The following RBFOX1 variants were observed in gnomAD, a reference collection of about 807,000 sequenced individuals.
RBFOX1 encodes RNA binding protein fox-1 homolog 1.
In RBFOX1, 8 loss-of-function variants were observed where a neutral mutation model predicts 57.7. The ratio of observed to expected loss-of-function variants is 0.14; its 90% CI spans 0.08 to 0.25. The LOEUF is 0.25. RBFOX1 is among the 10% of genes least tolerant of loss of function. RBFOX1 has a pLI of 1.00. For synonymous variants in RBFOX1, 326 were observed against 222.4 expected, an observed-to-expected ratio of 1.47 and a Z score of -4.15; for missense variants, 611 against 548.5, an observed-to-expected ratio of 1.11 and a Z score of -1.14.
chr16:6,032,448 A>G (rs2095304512), intron 1 of RBFOX1, among the ~76,000 whole-genome samples: 1 of 152,164 alleles, frequency 6.6e-6, no homozygotes, highest in Admixed American at 6.5e-5. Context: ...AAAGAAAGGG[A>G]TCCACTCCAG....
chr16:6,684,417 A>G (rs548510608), intron 3 of RBFOX1, among the ~76,000 whole-genome samples: 113 of 152,346 alleles, frequency 7.4e-4, no homozygotes, highest in Non-Finnish European at 9.1e-4. Flanking sequence ...CAGTTTAAGT[A>G]TCATAGGAGA....
chr16:7,613,523 G>C (rs1450104319), intron 10 of RBFOX1, among the ~76,000 whole-genome samples: 1 of 152,146 alleles, frequency 6.6e-6, no homozygotes, highest in Non-Finnish European at 1.5e-5. Context: ...TGGGAAAGTG[G>C]ATTTGGATCT....
At chr16:6,214,034 C>T (rs1456079736) in intron 1 of RBFOX1, among the ~76,000 whole-genome samples, 1 of 152,184 alleles carries the variant, frequency 6.6e-6, no homozygotes, top group Non-Finnish European at 1.5e-5. Context: ...AGAATCACTG[C>T]TCTGTCAGAT....
chr16:6,745,802 G>A (rs887448833), intron 3 of RBFOX1, among the ~76,000 whole-genome samples: 2 of 152,128 alleles, frequency 1.3e-5, no homozygotes, highest in Non-Finnish European at 2.9e-5. Flanking sequence ...AGCAAGAAAA[G>A]GAGGTAAAAG....
intron 3 of RBFOX1, among the ~76,000 whole-genome samples, chr16:6,802,007 G>A (rs2085580779): frequency 6.6e-6 from 1 of 152,034 alleles, no homozygotes; most frequent in South Asian, 2.1e-4. Context: ...CATGGAGGTT[G>A]GGGGAGTTCT....
chr16:5,830,832 C>T (rs1408244698), intron 3 of RBFOX1, among the ~76,000 whole-genome samples: 1 of 152,128 alleles, frequency 6.6e-6, no homozygotes, highest in East Asian at 1.9e-4. Flanking sequence ...AGACTGTGTT[C>T]AGGCTGTTTC....
At chr16:7,091,198 T>G (rs1272396190) in intron 4 of RBFOX1, among the ~76,000 whole-genome samples, 1 of 152,200 alleles carries the variant, frequency 6.6e-6, no homozygotes, top group African/African-American at 2.4e-5. Context: ...ATTTTCTCAT[T>G]TACATTCCAA....
intron 3 of RBFOX1, among the ~76,000 whole-genome samples, chr16:6,953,277 C>A (rs907634309): frequency 6.6e-6 from 1 of 152,044 alleles, no homozygotes; most frequent in Non-Finnish European, 1.5e-5. Flanking sequence ...ACATATACAC[C>A]GAAATAAGGC....
intron 3 of RBFOX1, among the ~76,000 whole-genome samples, chr16:6,829,481 T>TA (rs35754742): frequency 0.43 from 58,471 of 135,232 alleles, 13,426 homozygotes; most frequent in East Asian, 0.75. Context: ...ACTCAACCAT[T>TA]AAAAAAAAAA....
chr16:6,767,941 T>TAAGAAGAAGAAG lies in RBFOX1; in HGVS notation c.-16+113293_-16+113294insGAAGAAGAAGAA, dbSNP rs1306795041. Among the ~76,000 whole-genome samples, 293 of 85,066 alleles carry TAAGAAGAAGAAG rather than the reference T, an allele frequency of 3.4e-3. 3 individuals carry two copies. The highest frequency in any genetic ancestry group is 5.3e-3 in the African/African-American group (87 of 16,350). The allele number at this position is 85,066 out of a possible 152,430, so 55.8% of individuals were successfully genotyped here. ...ATAATAATAATAATAATAATAATAA[T>TAAGAAGAAGAAG]AATAATAAGAAGAAGAAGAAGAAGA... On this transcript the variant is annotated intron_variant, in intron 3 of 15. Transcript: ENST00000550418.
intron 13 of RBFOX1, among the ~76,000 whole-genome samples, chr16:7,670,185 C>T (rs575959224): frequency 3.3e-5 from 5 of 152,180 alleles, no homozygotes; most frequent in South Asian, 4.2e-4. Context: ...GCATGCACCA[C>T]GACGCCTGGC....
At chr16:5,284,576 C>G (rs898606414) in intron 1 of RBFOX1, among the ~76,000 whole-genome samples, 9 of 139,274 alleles carry the variant, frequency 6.5e-5, no homozygotes, top group African/African-American at 2.2e-4. Context: ...GAGTCTCACT[C>G]TGTGACCCAG....
At chr16:7,330,898 A>G (rs77059970) in intron 4 of RBFOX1, among the ~76,000 whole-genome samples, 172 of 152,258 alleles carry the variant, frequency 1.1e-3, no homozygotes, top group African/African-American at 3.9e-3. Flanking sequence ...CCTCCCCGGT[A>G]ACTTCTCAGA....
chr16:7,089,687 C>T (rs1354836148), intron 4 of RBFOX1, among the ~76,000 whole-genome samples: 2 of 152,144 alleles, frequency 1.3e-5, no homozygotes, highest in East Asian at 1.9e-4. Context: ...ATGCGTGTCC[C>T]AGACCCCCTT....
At chr16:6,263,316 A>T (rs2097712965) in intron 1 of RBFOX1, among the ~76,000 whole-genome samples, 1 of 152,250 alleles carries the variant, frequency 6.6e-6, no homozygotes, top group South Asian at 2.1e-4. Context: ...GAGCATTGAG[A>T]ATTCATGCTC....
intron 1 of RBFOX1, among the ~76,000 whole-genome samples, chr16:5,319,792 CT>C (rs2151245449): frequency 6.6e-6 from 1 of 152,294 alleles, no homozygotes; most frequent in East Asian, 1.9e-4. Flanking sequence ...GGTTGGATGG[CT>C]TTCCACACAG....
intron 4 of RBFOX1, among the ~76,000 whole-genome samples, chr16:7,321,823 T>G (rs1157473001): frequency 6.6e-6 from 1 of 152,186 alleles, no homozygotes; most frequent in Non-Finnish European, 1.5e-5. Flanking sequence ...ACACTGCTAA[T>G]CTGGGGAGTT....
chr16:7,567,771 C>T (rs968229746), intron 5 of RBFOX1, among the ~76,000 whole-genome samples: 2 of 146,588 alleles, frequency 1.4e-5, no homozygotes, highest in Non-Finnish European at 3.0e-5. Context: ...ATATATATCC[C>T]TCTCTATATA....
chr16:7,664,880 G>A, intron 12 of RBFOX1, 49 bp from the exon 13 acceptor site: 1 of 1,613,822 alleles, frequency 6.2e-7, no homozygotes, highest in Non-Finnish European at 8.5e-7. Context: ...GTGTCTGCAT[G>A]GGAAATGCAC....
Sources: gnomAD v4.1 joint callset for allele counts (sites outside exome capture counted in the v4.1 genomes callset) on GRCh38, gnomAD v4.1.1 for gene constraint, MANE v1.5 for transcripts, NCBI Gene and HGNC (gene_info 2026-07-23, HGNC 2026-07-21) for gene names.